Variants in GSE1 observed in about 807,000 individuals in gnomAD.
GSE1 encodes genetic suppressor element 1.
GSE1 carries 32 observed loss-of-function variants against 112.6 expected under a neutral mutation model. The observed-to-expected ratio is 0.28, with a 90% CI of 0.21 to 0.38. The LOEUF (loss-of-function observed/expected upper bound fraction) is 0.38. Among genes scored for constraint, GSE1 ranks in the 10% least tolerant of loss-of-function variants. The pLI, the probability that GSE1 is intolerant of heterozygous loss-of-function variation, is 1.00. For synonymous variants in GSE1, 1,115 were observed against 735.6 expected (o/e 1.52, Z -8.35); for missense variants, 2,348 against 1,699.2 (o/e 1.38, Z -6.71).
At chr16:85,670,525 G>GA (rs2053244985) in intron 14 of GSE1, 1 of 152,196 alleles carries the variant, frequency 6.6e-6, no homozygotes, top group South Asian at 2.1e-4. Flanking sequence ...TTCATTTGCT[G>GA]AAACACTGTG....
chr16:85,253,355 C>G (rs993573534), intron 1 of GSE1, among the ~76,000 whole-genome samples: 4 of 152,156 alleles, frequency 2.6e-5, no homozygotes, highest in African/African-American at 9.7e-5. Flanking sequence ...CCGCTGCCCG[C>G]TAGGTGTCGC....
At chr16:85,541,554 C>A (rs1598115956) in intron 2 of GSE1, among the ~76,000 whole-genome samples, 1 of 152,226 alleles carries the variant, frequency 6.6e-6, no homozygotes, top group South Asian at 2.1e-4. Flanking sequence ...CCCAGCAGAC[C>A]CCTGCCAGCC....
At chr16:85,414,219 G>A (rs996011822) in intron 2 of GSE1, among the ~76,000 whole-genome samples, 42 of 152,190 alleles carry the variant, frequency 2.8e-4, no homozygotes, top group African/African-American at 9.9e-4. Flanking sequence ...CAGGGAGGGG[G>A]CATTTAGGGG....
chr16:85,637,500 C>T (rs1236210791), intron 2 of GSE1, among the ~76,000 whole-genome samples: 1 of 151,652 alleles, frequency 6.6e-6, no homozygotes, highest in Non-Finnish European at 1.5e-5. Context: ...TATCGAGTCC[C>T]CCCTTGATCG....
chr16:85,221,282 C>T (rs2075386832), intron 1 of GSE1, among the ~76,000 whole-genome samples: 1 of 151,976 alleles, frequency 6.6e-6, no homozygotes, highest in South Asian at 2.1e-4. Flanking sequence ...CAGCTGCAGG[C>T]TACTGGCCTG....
rs921714515 is a variant in GSE1 at position 85,656,264 on chromosome 16, A to G, written c.990-79A>G. ...TTAGCGCCCTGGCTCGTTCCTGGTT[A>G]TGCTTTTTAAGGGCCTGCCCCAGGT... is the stretch of plus-strand genomic sequence containing the variant. On this transcript the variant is annotated intron_variant, in intron 6 of 15. Coordinates refer to ENST00000253458, the MANE Select transcript of GSE1 (RefSeq NM_014615.5). The G allele has an allele frequency of 2.6e-6, 4 of 1,548,646 alleles. No individual in the cohort carries two copies. The African/African-American group carries it at 4.1e-5, about 16-fold the overall frequency.
chr16:85,220,124 T>C (rs1476846521), intron 1 of GSE1, among the ~76,000 whole-genome samples: 1 of 152,244 alleles, frequency 6.6e-6, no homozygotes, highest in African/African-American at 2.4e-5. Flanking sequence ...CCCCTCACCC[T>C]TTCTCAAGGA....
At chr16:85,422,146 G>A (rs953287983) in intron 2 of GSE1, among the ~76,000 whole-genome samples, 16 of 151,962 alleles carry the variant, frequency 1.1e-4, no homozygotes, top group African/African-American at 2.7e-4. Context: ...GGTCATCCTC[G>A]CACCCCACCT....
chr16:85,638,556 C>G (rs961882223), intron 2 of GSE1, among the ~76,000 whole-genome samples: 1 of 152,204 alleles, frequency 6.6e-6, no homozygotes, highest in African/African-American at 2.4e-5. Context: ...GAGCAGGTCT[C>G]TACCTCATGA....
chr16:85,472,246 A>G (rs989668151), intron 2 of GSE1, among the ~76,000 whole-genome samples: 10 of 152,298 alleles, frequency 6.6e-5, no homozygotes, highest in Non-Finnish European at 1.5e-4. Context: ...ACAGGAATGT[A>G]TTATTTGATA....
intron 1 of GSE1, among the ~76,000 whole-genome samples, chr16:85,223,973 C>A (rs1488924161): frequency 6.6e-6 from 1 of 152,150 alleles, no homozygotes; most frequent in Non-Finnish European, 1.5e-5. Context: ...CGTGCAACCA[C>A]CACTTCCCTC....
chr16:85,238,336 G>A (rs1437567224), intron 1 of GSE1, among the ~76,000 whole-genome samples: 1 of 152,106 alleles, frequency 6.6e-6, no homozygotes, highest in Non-Finnish European at 1.5e-5. Flanking sequence ...CAGAACCATC[G>A]CCTCTCACCA....
intron 2 of GSE1, among the ~76,000 whole-genome samples, chr16:85,503,991 G>C (rs535834213): frequency 1.3e-5 from 2 of 152,318 alleles, no homozygotes; most frequent in African/African-American, 4.8e-5. Flanking sequence ...GTGTGGCGGT[G>C]GTCACCGGAG....
At chr16:85,667,114 C>A (rs1025864223) in intron 13 of GSE1, among the ~76,000 whole-genome samples, 4 of 152,218 alleles carry the variant, frequency 2.6e-5, no homozygotes, top group Non-Finnish European at 2.9e-5. Context: ...ATGACAGATA[C>A]CAAGGGAGAC....
chr16:85,231,338 G>A (rs1414536179), intron 1 of GSE1, among the ~76,000 whole-genome samples: 2 of 151,026 alleles, frequency 1.3e-5, no homozygotes, highest in Non-Finnish European at 2.9e-5. Context: ...CAGATGGATG[G>A]ATGGACAGAT....
intron 1 of GSE1, among the ~76,000 whole-genome samples, chr16:85,318,289 G>T (rs567921057): frequency 6.6e-5 from 10 of 152,284 alleles, no homozygotes; most frequent in African/African-American, 2.4e-4. Context: ...GGGGGGATAG[G>T]GTCTTACTCT....
At chr16:85,633,035 A>G (rs2049679343) in intron 1 of GSE1, among the ~76,000 whole-genome samples, 1 of 134,742 alleles carries the variant, frequency 7.4e-6, no homozygotes. Context: ...CGCCGCTGTC[A>G]CCACTGGCCG....
At chr16:85,282,021 GTTTTC>G (rs1292469297) in intron 1 of GSE1, among the ~76,000 whole-genome samples, 2 of 151,038 alleles carry the variant, frequency 1.3e-5, no homozygotes, top group South Asian at 4.2e-4. Context: ...GAGTTGCTAT[GTTTTC>G]TTTTCTTTTT....
At chr16:85,528,210 A>G (rs2052423682) in intron 2 of GSE1, among the ~76,000 whole-genome samples, 1 of 152,258 alleles carries the variant, frequency 6.6e-6, no homozygotes, top group Admixed American at 6.5e-5. Flanking sequence ...GAACAAACAG[A>G]TCAACAGATG....
Sources: allele counts gnomAD v4.1 joint callset (sites outside exome capture counted in the v4.1 genomes callset), GRCh38; gene constraint gnomAD v4.1.1; transcripts MANE v1.5; gene names NCBI Gene and HGNC (gene_info 2026-07-23, HGNC 2026-07-21).